Variants in FYN observed in about 807,000 individuals in gnomAD.
The protein encoded by FYN is tyrosine-protein kinase Fyn.
Under a neutral mutation model 70.2 loss-of-function variants are expected in FYN, and 10 were observed. The ratio of observed to expected loss-of-function variants is 0.14; its 90% CI spans 0.09 to 0.24. The LOEUF is 0.24. Among genes scored for constraint, FYN ranks in the 10% least tolerant of loss-of-function variants. The pLI is 1.00. For missense variants in FYN, 319 were observed against 673.1 expected (o/e 0.47, Z 5.82); for synonymous variants, 236 against 248.6 (o/e 0.95, Z 0.48).
Position 111,705,440 on chromosome 6 carries a change from C to T in FYN, c.444-1338G>A, listed in dbSNP as rs1004810855. The stretch of plus-strand genomic sequence containing the variant: ...TCACTCTGTCACCCAGGCTGGAGTG[C>T]AGTGGCATAATCATAGCTCACTGCA... On this transcript the variant is annotated intron_variant, in intron 6 of 13. Coordinates refer to ENST00000354650, the MANE Select transcript of FYN (RefSeq NM_002037.5). Among the ~76,000 whole-genome samples the T allele has an allele frequency of 2.7e-5, 4 of 149,716 alleles. No individual in the cohort carries two copies. In the East Asian group the frequency reaches 7.9e-4, roughly 30 times the overall value.
chr6:111,662,292 T>TGG (rs1474232360), intron 13 of FYN, among the ~76,000 whole-genome samples: 2 of 152,230 alleles, frequency 1.3e-5, no homozygotes, highest in African/African-American at 4.8e-5. Context: ...GAGGAATCCC[T>TGG]GCCAAGGGGC....
At chr6:111,812,497 G>C (rs966975765) in intron 2 of FYN, among the ~76,000 whole-genome samples, 1 of 151,962 alleles carries the variant, frequency 6.6e-6, no homozygotes, top group Non-Finnish European at 1.5e-5. Context: ...AAAAAGTTTG[G>C]GGAGAAATGG....
intron 2 of FYN, among the ~76,000 whole-genome samples, chr6:111,798,931 C>T (rs138307238): frequency 1.3e-5 from 2 of 152,210 alleles, no homozygotes; most frequent in East Asian, 3.9e-4. Context: ...AGGGATATTC[C>T]ATATTTTTCT....
chr6:111,663,834 TG>T (rs1199236375), intron 13 of FYN, among the ~76,000 whole-genome samples: 2 of 151,776 alleles, frequency 1.3e-5, no homozygotes, highest in East Asian at 1.9e-4. Flanking sequence ...AAATGGGGGA[TG>T]GGGGCGGGGA....
intron 3 of FYN, among the ~76,000 whole-genome samples, chr6:111,760,160 C>A (rs1041427180): frequency 6.6e-6 from 1 of 152,096 alleles, no homozygotes. Flanking sequence ...ACCAAATCAC[C>A]CCATTTTGCA....
intron 2 of FYN, among the ~76,000 whole-genome samples, chr6:111,796,741 C>T (rs1269032418): frequency 1.3e-5 from 2 of 152,144 alleles, no homozygotes; most frequent in African/African-American, 2.4e-5. Flanking sequence ...AATGATGTAA[C>T]CACACCATGC....
At chr6:111,872,640 G>A (rs978277232) in intron 1 of FYN, among the ~76,000 whole-genome samples, 3 of 152,062 alleles carry the variant, frequency 2.0e-5, no homozygotes, top group African/African-American at 4.8e-5. Context: ...CCCCGCGGGG[G>A]GCCCCAAAAG....
At chr6:111,664,523 C>T (rs1406731280) in intron 13 of FYN, among the ~76,000 whole-genome samples, 3 of 152,150 alleles carry the variant, frequency 2.0e-5, no homozygotes, top group Admixed American at 6.5e-5. Context: ...GTTTAATTGG[C>T]CACTGGGTCA....
intron 3 of FYN, among the ~76,000 whole-genome samples, chr6:111,762,609 A>T (rs1010731234): frequency 2.0e-5 from 3 of 152,170 alleles, no homozygotes; most frequent in African/African-American, 7.2e-5. Flanking sequence ...AGGCCCTAAA[A>T]GGAAATCAAA....
chr6:111,848,113 T>C (rs954827448), intron 1 of FYN, among the ~76,000 whole-genome samples: 1 of 152,206 alleles, frequency 6.6e-6, no homozygotes, highest in Admixed American at 6.5e-5. Flanking sequence ...AATAAATCAA[T>C]ACTATGAGAA....
At chr6:111,863,238 G>A (rs2114524923) in intron 1 of FYN, among the ~76,000 whole-genome samples, 1 of 152,250 alleles carries the variant, frequency 6.6e-6, no homozygotes, top group South Asian at 2.1e-4. Flanking sequence ...AACTCAGACA[G>A]CAACTAGAGA....
At chr6:111,867,310 C>T (rs1384120642) in intron 1 of FYN, among the ~76,000 whole-genome samples, 1 of 151,858 alleles carries the variant, frequency 6.6e-6, no homozygotes, top group Non-Finnish European at 1.5e-5. Context: ...CAATAATTAG[C>T]CGGGTGTGGC....
intron 13 of FYN, among the ~76,000 whole-genome samples, chr6:111,664,979 T>G (rs574143858): frequency 6.6e-6 from 1 of 152,320 alleles, no homozygotes; most frequent in East Asian, 1.9e-4. Context: ...AACTTCACAA[T>G]GTACCTCTGC....
At chr6:111,683,790 C>G (rs1228622123) in intron 12 of FYN, among the ~76,000 whole-genome samples, 1 of 150,520 alleles carries the variant, frequency 6.6e-6, no homozygotes, top group Non-Finnish European at 1.5e-5. Flanking sequence ...GGGGAGGTGA[C>G]AAGGCGGTAC....
intron 12 of FYN, among the ~76,000 whole-genome samples, chr6:111,675,675 C>A (rs2128411961): frequency 6.6e-6 from 1 of 152,190 alleles, no homozygotes; most frequent in South Asian, 2.1e-4. Context: ...AGCCTGTAGT[C>A]CCAGCTACTT....
chr6:111,765,631 T>C (rs1280844956), intron 3 of FYN, among the ~76,000 whole-genome samples: 1 of 152,266 alleles, frequency 6.6e-6, no homozygotes, highest in Non-Finnish European at 1.5e-5. Context: ...TAAGACTTAT[T>C]CATAACACTT....
chr6:111,832,935 T>C (rs1244048140), intron 2 of FYN, among the ~76,000 whole-genome samples: 1 of 152,218 alleles, frequency 6.6e-6, no homozygotes, highest in Admixed American at 6.5e-5. Context: ...TAAAAAAAGC[T>C]GCACTTCTGA....
chr6:111,849,456 C>T (rs939012205), intron 1 of FYN, among the ~76,000 whole-genome samples: 6 of 152,216 alleles, frequency 3.9e-5, no homozygotes, highest in South Asian at 2.1e-4. Flanking sequence ...ATGAACCTCA[C>T]GACAGGGCAG....
chr6:111,829,783 C>T (rs1240023757), intron 2 of FYN, among the ~76,000 whole-genome samples: 1 of 152,168 alleles, frequency 6.6e-6, no homozygotes, highest in Non-Finnish European at 1.5e-5. Flanking sequence ...TGAAATACTG[C>T]AATAGACATG....
Sources: gnomAD v4.1 joint callset for allele counts (sites outside exome capture counted in the v4.1 genomes callset) on GRCh38, gnomAD v4.1.1 for gene constraint, MANE v1.5 for transcripts, NCBI Gene and HGNC (gene_info 2026-07-23, HGNC 2026-07-21) for gene names.